The following SPOPL variants were observed in gnomAD, a reference collection of about 807,000 sequenced individuals.
The protein encoded by SPOPL is speckle type BTB/POZ protein like.
Under a neutral mutation model 53.8 loss-of-function variants are expected in SPOPL, and 23 were observed. The observed-to-expected ratio is 0.43, with a 90% CI of 0.31 to 0.61. The LOEUF is 0.61. SPOPL is among the 20% of genes least tolerant of loss of function. The pLI is 0.12. For missense variants in SPOPL, 442 were observed against 466.9 expected (o/e 0.95, Z 0.49); for synonymous variants, 164 against 149.7 (o/e 1.10, Z -0.70).
intron 1 of SPOPL, among the ~76,000 whole-genome samples, chr2:138,542,807 G>A (rs1004837406): frequency 1.3e-5 from 2 of 152,166 alleles, no homozygotes; most frequent in Non-Finnish European, 2.9e-5. Flanking sequence ...TTGCTCTTTA[G>A]TTGATGCAGT....
At chr2:138,560,750 CATTT>C in intron 7 of SPOPL, 51 bp from the exon 8 acceptor site, 4 of 1,535,724 alleles carry the variant, frequency 2.6e-6, no homozygotes, top group Non-Finnish European at 3.5e-6. Context: ...CACTTTGGTT[CATTT>C]GTGTGTACTT....
At chr2:138,532,980 A>G (rs535458125) in intron 1 of SPOPL, among the ~76,000 whole-genome samples, 1 of 152,132 alleles carries the variant, frequency 6.6e-6, no homozygotes, top group Non-Finnish European at 1.5e-5. Context: ...TACTTTTTAT[A>G]TACATTAATT....
intron 1 of SPOPL, among the ~76,000 whole-genome samples, chr2:138,517,890 A>T (rs1684475962): frequency 6.6e-6 from 1 of 151,938 alleles, no homozygotes; most frequent in African/African-American, 2.4e-5. Flanking sequence ...AATACTAAAA[A>T]TACAAAAATT....
Position 138,564,936 on chromosome 2 carries a change from G to A in SPOPL, c.981-4G>A. 1 of 1,614,040 alleles carries A rather than the reference G, an allele frequency of 6.2e-7. No individual in the cohort carries two copies. The highest frequency in any genetic ancestry group is 8.5e-7 in the Non-Finnish European group (1 of 1,179,980). Reference sequence around the variant, plus strand: ...TTTTAAGTATGTTTAAATCTTCAATGCAGGTGCAGTGTACTTCGACAACTT... The same window carrying A: ...TTTTAAGTATGTTTAAATCTTCAATACAGGTGCAGTGTACTTCGACAACTT... On this transcript the variant is annotated splice_polypyrimidine_tract_variant and splice_region_variant and intron_variant, in intron 9 of 10. Coordinates refer to ENST00000280098, the MANE Select transcript of SPOPL (RefSeq NM_001001664.3).
At chr2:138,538,950 C>A (rs1051143743) in intron 1 of SPOPL, among the ~76,000 whole-genome samples, 1 of 152,030 alleles carries the variant, frequency 6.6e-6, no homozygotes. Context: ...TTCCTGTGTT[C>A]GTGTGTTCTC....
intron 1 of SPOPL, among the ~76,000 whole-genome samples, chr2:138,541,625 C>G (rs964669481): frequency 1.3e-4 from 19 of 151,794 alleles, no homozygotes; most frequent in Admixed American, 3.3e-4. Context: ...TTTGATTCTT[C>G]TCTCTTCTTT....
At chr2:138,557,888 A>G (rs1021428080) in intron 5 of SPOPL, among the ~76,000 whole-genome samples, 2 of 152,124 alleles carry the variant, frequency 1.3e-5, no homozygotes, top group Non-Finnish European at 2.9e-5. Flanking sequence ...GCCAGGTGGT[A>G]TGGCTCACTC....
rs762537744 is a variant in SPOPL at position 138,552,506 on chromosome 2, G to C, written c.353-48G>C. 3.2e-6 allele frequency: 5 copies of C among 1,567,486 alleles called. No individual in the cohort carries two copies. In the South Asian group the frequency reaches 4.8e-5, roughly 15 times the overall value. ...TTAACTGTGTTACCATGTTTAAAAA[G>C]TCTCTTGGATATTTATTTTATTTAA... is the stretch of plus-strand genomic sequence containing the variant. On this transcript the variant is annotated intron_variant, in intron 4 of 10. Transcript: ENST00000280098.
intron 1 of SPOPL, among the ~76,000 whole-genome samples, chr2:138,533,487 A>G (rs1684857966): frequency 6.6e-6 from 1 of 152,076 alleles, no homozygotes; most frequent in African/African-American, 2.4e-5. Flanking sequence ...TTCATACCCC[A>G]GGTTTCGTTA....
At chr2:138,524,959 G>A (rs897157069) in intron 1 of SPOPL, among the ~76,000 whole-genome samples, 7 of 151,878 alleles carry the variant, frequency 4.6e-5, no homozygotes, top group Admixed American at 2.0e-4. Context: ...CCTCCAGACC[G>A]TTCCAGTCTC....
intron 1 of SPOPL, among the ~76,000 whole-genome samples, chr2:138,525,718 T>C (rs1684660979): frequency 6.6e-6 from 1 of 151,422 alleles, no homozygotes; most frequent in African/African-American, 2.4e-5. Flanking sequence ...CATGGCTGTA[T>C]TCCCGGCTAC....
intron 5 of SPOPL, chr2:138,554,651 C>G (rs1685383619): frequency 2.7e-6 from 1 of 370,718 alleles, no homozygotes; most frequent in East Asian, 1.3e-4. Flanking sequence ...CAGCTCTGCC[C>G]TCTTTCCCAA....
intron 5 of SPOPL, among the ~76,000 whole-genome samples, chr2:138,556,045 G>C (rs1326188451): frequency 3.3e-5 from 5 of 152,054 alleles, no homozygotes; most frequent in African/African-American, 1.2e-4. Context: ...AAATATAGGT[G>C]TCAAGAAAAT....
At chr2:138,548,275 GTGAAATGC>G (rs1685241706) in intron 1 of SPOPL, among the ~76,000 whole-genome samples, 1 of 110,566 alleles carries the variant, frequency 9.0e-6, no homozygotes, top group African/African-American at 3.6e-5. Context: ...TCATTCTTCT[GTGAAATGC>G]TTGCTCATCT....
At chr2:138,517,003 C>G (rs145204578) in intron 1 of SPOPL, among the ~76,000 whole-genome samples, 1 of 152,186 alleles carries the variant, frequency 6.6e-6, no homozygotes, top group Non-Finnish European at 1.5e-5. Context: ...GTGCCAGTGT[C>G]CTGGAATTCT....
At chr2:138,551,716 T>A (rs1685317038) in intron 4 of SPOPL, among the ~76,000 whole-genome samples, 1 of 152,052 alleles carries the variant, frequency 6.6e-6, no homozygotes, top group South Asian at 2.1e-4. Flanking sequence ...AAATAATGTA[T>A]TGCTAAAATA....
At chr2:138,550,378 A>C in intron 2 of SPOPL, 84 bp downstream of exon 2, 1 of 1,589,508 alleles carries the variant, frequency 6.3e-7, no homozygotes, top group South Asian at 1.1e-5. Context: ...ACACTTTGCC[A>C]TAGTTATTAG....
chr2:138,529,537 T>TGTGTGCAC (rs1553469140), intron 1 of SPOPL, among the ~76,000 whole-genome samples: 2 of 100,028 alleles, frequency 2.0e-5, no homozygotes, highest in African/African-American at 7.2e-5. Flanking sequence ...TGTGTGTGTT[T>TGTGTGCAC]GCGTGCGCGC....
intron 5 of SPOPL, among the ~76,000 whole-genome samples, chr2:138,555,956 C>G (rs1034427243): frequency 6.6e-6 from 1 of 151,642 alleles, no homozygotes; most frequent in African/African-American, 2.4e-5. Flanking sequence ...ATTTTTTATT[C>G]TAGGTTCCAT....
Sources: gnomAD v4.1 joint callset for allele counts (sites outside exome capture counted in the v4.1 genomes callset) on GRCh38, gnomAD v4.1.1 for gene constraint, MANE v1.5 for transcripts, NCBI Gene and HGNC (gene_info 2026-07-23, HGNC 2026-07-21) for gene names.